ZFAND4: variants seen among roughly 807,000 people sequenced by gnomAD.
ZFAND4 encodes the protein zinc finger AN1-type containing 4, also known as AN1-type zinc finger protein 4.
ZFAND4 carries 43 observed loss-of-function variants against 64.4 expected under a neutral mutation model. The observed-to-expected ratio is 0.67, with a 90% CI of 0.52 to 0.86. The LOEUF is 0.86. Among genes scored for constraint, ZFAND4 ranks in the 40% least tolerant of loss-of-function variants. The pLI is 0.00. For missense variants in ZFAND4, 929 were observed against 859.8 expected, an observed-to-expected ratio of 1.08 and a Z score of -1.01; for synonymous variants, 296 against 305.7, an observed-to-expected ratio of 0.97 and a Z score of 0.33.
At chr10:45,662,210 G>A (rs989027324) in intron 2 of ZFAND4, among the ~76,000 whole-genome samples, 2 of 152,124 alleles carry the variant, frequency 1.3e-5, no homozygotes, top group Admixed American at 1.3e-4. Context: ...TTTAAACTTA[G>A]ATTCAATTGT....
intron 5 of ZFAND4, among the ~76,000 whole-genome samples, chr10:45,641,380 G>A (rs1001512225): frequency 4.6e-5 from 7 of 152,120 alleles, no homozygotes; most frequent in African/African-American, 1.4e-4. Flanking sequence ...AAAATTTCCC[G>A]TTTTATATGG....
chr10:45,652,089 T>C (rs1241246496), intron 3 of ZFAND4, 56 bp from the exon 4 acceptor site: 2 of 1,558,160 alleles, frequency 1.3e-6, no homozygotes, highest in Non-Finnish European at 1.8e-6. Context: ...TTCAGTTAAA[T>C]GTACACATAA....
intron 8 of ZFAND4, chr10:45,621,036 C>CA (rs1335602502): frequency 1.3e-5 from 2 of 152,210 alleles, no homozygotes; most frequent in Non-Finnish European, 2.9e-5. Context: ...TTCCTAGTCT[C>CA]ATATTTTATC....
In ZFAND4 at chr10:45,639,983, T is replaced by C; in HGVS notation, c.570-20A>G. ...CCACCACTGCAAAGAAAACAATAACTACTTGAAATTTTTCTGATACCTGCT... is the reference window on the plus strand; with the variant it reads ...CCACCACTGCAAAGAAAACAATAACCACTTGAAATTTTTCTGATACCTGCT... On this transcript the variant is annotated intron_variant, in intron 5 of 9. Coordinates refer to ENST00000344646, the MANE Select transcript of ZFAND4 (RefSeq NM_174890.4). 1 of 1,590,660 alleles carries C rather than the reference T, an allele frequency of 6.3e-7. No homozygotes were observed. Among genetic ancestry groups the C allele is most frequent in the Non-Finnish European group, 8.5e-7 (1 of 1,174,002 alleles).
chr10:45,625,382 G>A (rs1564554980), intron 7 of ZFAND4, among the ~76,000 whole-genome samples: 1 of 150,814 alleles, frequency 6.6e-6, no homozygotes, highest in African/African-American at 2.4e-5. Context: ...CCTGAGGCAG[G>A]AGAATGGCGT....
Position 45,626,651 on chromosome 10 carries a change from T to G in ZFAND4, c.1172A>C (p.Glu391Ala). ...GCCCACTTTAGGTAGAAGTGATTGT[T>G]CGGTTACACATTCTTCTGAAGGTAA... ...IVLPSEECVT[E>A]QSLLPKVGSL... Residue 391 changes from glutamate to alanine, a missense_variant, in exon 7 of 10, where the codon GAA becomes GCA. Coordinates refer to ENST00000344646, the MANE Select transcript of ZFAND4 (RefSeq NM_174890.4). 1 of 1,614,258 alleles carries G rather than the reference T, an allele frequency of 6.2e-7. No homozygotes were observed.
Position 45,639,907 on chromosome 10 carries a change from G to A in ZFAND4, c.626C>T (p.Ser209Phe), listed in dbSNP as rs777335661. 1 of 1,613,532 alleles carries A rather than the reference G, an allele frequency of 6.2e-7. No individual in the cohort carries two copies. The highest frequency in any genetic ancestry group is 8.5e-7 in the Non-Finnish European group (1 of 1,179,936). ...TDEDEETEPS[S>F]SGQQIIENSI... ...ATTTTCAATTATCTGTTGCCCAGAA[G>A]AAGAAGGCTCAGTTTCTTCATCCTC... is the stretch of plus-strand genomic sequence containing the variant. Residue 209 changes from serine to phenylalanine, a missense_variant, in exon 6 of 10, where the codon TCT becomes TTT. Ser to Phe is a radical substitution (Grantham distance 155). Transcript: ENST00000344646.
At position 45,652,041 on chromosome 10, in the gene ZFAND4, T is replaced by A. The variant is rs980605685; in HGVS notation, c.261-8A>T. On this transcript the variant is annotated splice_region_variant and splice_polypyrimidine_tract_variant and intron_variant, in intron 3 of 9. Coordinates refer to ENST00000344646, the MANE Select transcript of ZFAND4 (RefSeq NM_174890.4). The stretch of plus-strand genomic sequence containing the variant: ...GTACACCCTTCTGAAATGCTGTGGA[T>A]AGTTAACACAAAAATAAATCATAAT... 1 of 1,613,366 alleles carries A rather than the reference T, an allele frequency of 6.2e-7. No homozygotes were observed. The highest frequency in any genetic ancestry group is 8.5e-7 in the Non-Finnish European group (1 of 1,179,462).
intron 5 of ZFAND4, among the ~76,000 whole-genome samples, chr10:45,645,721 G>A (rs1465467435): frequency 6.6e-6 from 1 of 152,126 alleles, no homozygotes; most frequent in East Asian, 1.9e-4. Context: ...GAAATTAAGT[G>A]ATATCTCTAT....
chr10:45,626,841 G>C lies in ZFAND4; in HGVS notation c.982C>G (p.Leu328Val). The C allele has an allele frequency of 6.2e-7, 1 of 1,613,742 alleles. No individual in the cohort carries two copies. The highest frequency in any genetic ancestry group is 8.5e-7 in the Non-Finnish European group (1 of 1,179,572). The change falls in exon 7 of 10, where the codon CTG becomes GTG. Residue 328 changes from leucine to valine, a missense_variant. Transcript: ENST00000344646. ...KEDNSWENNT[L>V]SHFSSNVKLP... Reference sequence around the variant, plus strand: ...TTGACGTTGCTACTGAAGTGAGACAGTGTGTTATTCTCCCAGCTATTATCT... The same window carrying C: ...TTGACGTTGCTACTGAAGTGAGACACTGTGTTATTCTCCCAGCTATTATCT...
In ZFAND4 at chr10:45,663,857, AT is replaced by A; in HGVS notation, c.-117-16del. 1 of 712,070 alleles carries A rather than the reference AT, an allele frequency of 1.4e-6. No individual in the cohort carries two copies. Among genetic ancestry groups the A allele is most frequent in the Non-Finnish European group, 2.1e-6 (1 of 478,572 alleles). The allele number at this position is 712,070 out of a possible 1,614,324, so 44.1% of individuals were successfully genotyped here. On this transcript the variant is annotated splice_polypyrimidine_tract_variant and intron_variant, in intron 1 of 9. Transcript: ENST00000344646. ...GAGTTTTGTACCTAAAAAAACAAGA[AT>A]TTTTTTAACAAGCCTATCTGAAAGT...
rs774185993 is a variant in ZFAND4, at chr10:45,639,799, A to G, written c.717+17T>C. The G allele has an allele frequency of 6.2e-7, 1 of 1,601,558 alleles. No individual in the cohort carries two copies. Among genetic ancestry groups the G allele is most frequent in the Non-Finnish European group, 8.5e-7 (1 of 1,175,158 alleles). Reference sequence around the variant, plus strand: ...GGTAAGCTAGAGATAAGCCTGGTCAAATGCCAACAGCTTCACCTTTTTGCT... The same window carrying G: ...GGTAAGCTAGAGATAAGCCTGGTCAGATGCCAACAGCTTCACCTTTTTGCT... On this transcript the variant is annotated intron_variant, in intron 6 of 9. Coordinates refer to ENST00000344646, the MANE Select transcript of ZFAND4 (RefSeq NM_174890.4).
At chr10:45,630,973 A>G (rs550665800) in intron 6 of ZFAND4, among the ~76,000 whole-genome samples, 29 of 151,120 alleles carry the variant, frequency 1.9e-4, no homozygotes, top group South Asian at 4.2e-4. Flanking sequence ...AAAAAAAAAA[A>G]AAAGAAAGAA....
At chr10:45,644,910 G>A (rs922373277) in intron 5 of ZFAND4, among the ~76,000 whole-genome samples, 6 of 151,836 alleles carry the variant, frequency 4.0e-5, no homozygotes, top group African/African-American at 1.5e-4. Context: ...TATAACTGAT[G>A]GGGTGATGTG....
chr10:45,621,906 T>C (rs2045456711), intron 8 of ZFAND4, among the ~76,000 whole-genome samples: 1 of 152,090 alleles, frequency 6.6e-6, no homozygotes, highest in Admixed American at 6.5e-5. Flanking sequence ...AGGCATCCAA[T>C]GGATTTGAAA....
intron 2 of ZFAND4, among the ~76,000 whole-genome samples, chr10:45,660,877 G>C (rs1036748893): frequency 1.8e-4 from 27 of 152,100 alleles, no homozygotes; most frequent in African/African-American, 6.3e-4. Context: ...AACGTTAAAA[G>C]ATGGCTTTTT....
Sources: gnomAD v4.1 joint callset for allele counts (sites outside exome capture counted in the v4.1 genomes callset) on GRCh38, gnomAD v4.1.1 for gene constraint, MANE v1.5 for transcripts, NCBI Gene and HGNC (gene_info 2026-07-23, HGNC 2026-07-21) for gene names.